Variants in AP5M1 observed in about 807,000 individuals in gnomAD.
AP5M1 encodes adaptor related protein complex 5 subunit mu 1, also known as AP-5 complex subunit mu-1.
Under a neutral mutation model 52.3 loss-of-function variants are expected in AP5M1, and 44 were observed. The ratio of observed to expected loss-of-function variants is 0.84; its 90% confidence interval spans 0.66 to 1.08. The LOEUF (loss-of-function observed/expected upper bound fraction) is 1.08, where lower values mean the gene tolerates loss of function less well. AP5M1 is among the 50% of genes least tolerant of loss of function. AP5M1 has a pLI of 0.00. For missense variants in AP5M1, 526 were observed against 568.4 expected (o/e 0.93, Z 0.76); for synonymous variants, 213 against 199.0 (o/e 1.07, Z -0.59).
chr14:57,286,424 A>C (rs1885310658), intron 7 of AP5M1, 105 bp downstream of exon 7: 1 of 749,898 alleles, frequency 1.3e-6, no homozygotes. Flanking sequence ...TTAGAGAATA[A>C]TCCCAATTTA....
At position 57,269,393 on chromosome 14, in the gene AP5M1, A is replaced by T. The variant is rs1884819151; in HGVS notation, c.74+5A>T. 1.2e-6 allele frequency: 2 copies of T among 1,614,020 alleles called. No individual in the cohort carries two copies. Among genetic ancestry groups the T allele is most frequent in the Non-Finnish European group, 1.7e-6 (2 of 1,179,902 alleles). On this transcript the variant is annotated splice_donor_5th_base_variant and intron_variant, in intron 1 of 7. Transcript: ENST00000261558. ...TGGCACCGTGAGATTCTCCAGGTAA[A>T]TGCAAATCTGAATCCTCAGGGATGA...
In AP5M1 at chr14:57,280,526, C is replaced by G. The variant is rs1360036566; in HGVS notation, c.948+104C>G. On this transcript the variant is annotated intron_variant, in intron 3 of 7. Coordinates refer to ENST00000261558, the MANE Select transcript of AP5M1 (RefSeq NM_018229.4). Reference sequence around the variant, plus strand: ...TTGGTATGAGAACTTAGAAAAAGTTCTATTTATCAGACAATAATTGATGAT... The same window carrying G: ...TTGGTATGAGAACTTAGAAAAAGTTGTATTTATCAGACAATAATTGATGAT... The G allele has an allele frequency of 6.3e-6, 5 of 794,544 alleles. No individual in the cohort carries two copies. In the Admixed American group the frequency reaches 1.3e-4, roughly 20 times the overall value. 49.2% of individuals were successfully genotyped at this position (794,544 alleles called of 1,614,324 possible). A position where few individuals can be genotyped will look rare whatever the true frequency, so the allele number is the denominator to read the frequency against.
chr14:57,282,053 C>A, intron 3 of AP5M1, 36 bp from the exon 4 acceptor site: 1 of 1,512,166 alleles, frequency 6.6e-7, no homozygotes, highest in East Asian at 2.6e-5. Flanking sequence ...GACTCATTAA[C>A]CTGAGAATTA....
rs1884983910 is a variant in AP5M1, at chr14:57,274,814, AAAGG to A, written c.646_649del (p.Lys216Ter). The A allele has an allele frequency of 1.2e-6, 2 of 1,614,084 alleles. No homozygotes were observed. The highest frequency in any genetic ancestry group is 1.7e-6 in the Non-Finnish European group (2 of 1,180,032). ...CACAAGTTTCTATTTCTATCACTGA[AAAGG>A]TAAAATCCATGCAATATGATAAACA... On this transcript the variant is annotated frameshift_variant, in exon 2 of 8. Transcript: ENST00000261558. LOFTEE classifies it high-confidence loss of function.
In AP5M1 at chr14:57,289,327, T is replaced by G. The variant is rs1566520850; in HGVS notation, c.*443T>G. 6.6e-6 allele frequency: 1 copy of G among 152,532 alleles called. No homozygotes were observed. The highest frequency in any genetic ancestry group is 1.5e-5 in the Non-Finnish European group (1 of 68,286). The allele number at this position is 152,532 out of a possible 1,614,324, so 9.4% of individuals were successfully genotyped here. ...TAGATAATGTGCAAGATAAAAACTA[T>G]TTTCTCTTCCAAATCTAAGTACTAA... On this transcript the variant is annotated 3_prime_UTR_variant, in exon 8 of 8. Coordinates refer to ENST00000261558, the MANE Select transcript of AP5M1 (RefSeq NM_018229.4).
At chr14:57,272,078 A>T (rs566760020) in intron 1 of AP5M1, among the ~76,000 whole-genome samples, 1 of 152,226 alleles carries the variant, frequency 6.6e-6, no homozygotes, top group Non-Finnish European at 1.5e-5. Flanking sequence ...GCTTAAGTAA[A>T]TAAGTTTCTT....
At chr14:57,276,145 A>G (rs1485488418) in intron 2 of AP5M1, among the ~76,000 whole-genome samples, 2 of 152,172 alleles carry the variant, frequency 1.3e-5, no homozygotes, top group Non-Finnish European at 2.9e-5. Context: ...TATCATGGTC[A>G]AAAATATACT....
Position 57,269,227 on chromosome 14 carries a change from T to TTTC in AP5M1, c.-87_-86insTCT. 1 of 1,299,508 alleles carries TTTC rather than the reference T, an allele frequency of 7.7e-7. No individual in the cohort carries two copies. Among genetic ancestry groups the TTTC allele is most frequent in the South Asian group, 1.2e-5 (1 of 81,676 alleles). The allele number at this position is 1,299,508 out of a possible 1,614,324, so 80.5% of individuals were successfully genotyped here. A position where few individuals can be genotyped will look rare whatever the true frequency, so the allele number is the denominator to read the frequency against. ...CGCAGGATGAGCCTCAGGGCTTCTGTTAAGAGTCTGTCTGAGAAAGCCGGT... is the reference window on the plus strand; with the variant it reads ...CGCAGGATGAGCCTCAGGGCTTCTGTTTCTAAGAGTCTGTCTGAGAAAGCCGGT... On this transcript the variant is annotated 5_prime_UTR_variant, in exon 1 of 8. Coordinates refer to ENST00000261558, the MANE Select transcript of AP5M1 (RefSeq NM_018229.4).
rs1275047698 is a variant in AP5M1, at chr14:57,296,438, C to T, written c.*7554C>T. ...TATAACATGTACATTTATAGAGCAT[C>T]ATATATTTATTTTAAGTCTAGAATC... On this transcript the variant is annotated 3_prime_UTR_variant, in exon 8 of 8. Coordinates refer to ENST00000261558, the MANE Select transcript of AP5M1 (RefSeq NM_018229.4). 4 of 151,958 alleles carry T rather than the reference C, an allele frequency of 2.6e-5. No individual in the cohort carries two copies. The highest frequency in any genetic ancestry group is 2.6e-4 in the Admixed American group (4 of 15,208). 9.4% of individuals were successfully genotyped at this position (151,958 alleles called of 1,614,324 possible).
rs1476733968 is a variant in AP5M1 at position 57,297,395 on chromosome 14, G to A, written c.*8511G>A. The A allele has an allele frequency of 3.3e-5, 5 of 151,970 alleles. No individual in the cohort carries two copies. Among genetic ancestry groups the A allele is most frequent in the African/African-American group, 7.3e-5 (3 of 41,372 alleles). The allele number at this position is 151,970 out of a possible 1,614,324, so 9.4% of individuals were successfully genotyped here. A position where few individuals can be genotyped will look rare whatever the true frequency, so the allele number is the denominator to read the frequency against. Reference sequence around the variant, plus strand: ...ATATGATGTCTATATAGAATTATAAGGAAAATATATATGTGAAGAAATGTT... The same window carrying A: ...ATATGATGTCTATATAGAATTATAAAGAAAATATATATGTGAAGAAATGTT... On this transcript the variant is annotated 3_prime_UTR_variant, in exon 8 of 8. Transcript: ENST00000261558.
In AP5M1 at chr14:57,294,760, AG is replaced by A. The variant is rs1205057913; in HGVS notation, c.*5879del. 1 of 151,916 alleles carries A rather than the reference AG, an allele frequency of 6.6e-6. No homozygotes were observed. Among genetic ancestry groups the A allele is most frequent in the Non-Finnish European group, 1.5e-5 (1 of 67,840 alleles). The allele number at this position is 151,916 out of a possible 1,614,324, so 9.4% of individuals were successfully genotyped here. ...CTATTTTGAAAGTTATTGCAGATGT[AG>A]GGAATAGCTTGTTTCCCATTATGTT... On this transcript the variant is annotated 3_prime_UTR_variant, in exon 8 of 8. Transcript: ENST00000261558.
intron 2 of AP5M1, chr14:57,275,229 G>A (rs895253851): frequency 6.2e-6 from 2 of 320,428 alleles, no homozygotes; most frequent in East Asian, 9.0e-5. Flanking sequence ...CTGAAGGTCT[G>A]ACTGAGGCTG....
rs1885488402 is a variant in AP5M1, at chr14:57,293,651, C to T, written c.*4767C>T. The T allele has an allele frequency of 6.6e-6, 1 of 151,686 alleles. No homozygotes were observed. The allele number at this position is 151,686 out of a possible 1,614,324, so 9.4% of individuals were successfully genotyped here. On this transcript the variant is annotated 3_prime_UTR_variant, in exon 8 of 8. Coordinates refer to ENST00000261558, the MANE Select transcript of AP5M1 (RefSeq NM_018229.4). ...GAAACTAGTGTTTTTAATCATTACACTCCGTGCAGTCATATTTAATCAATA... is the reference window on the plus strand; with the variant it reads ...GAAACTAGTGTTTTTAATCATTACATTCCGTGCAGTCATATTTAATCAATA...
At chr14:57,279,642 T>C (rs1043455888) in intron 2 of AP5M1, among the ~76,000 whole-genome samples, 4 of 152,094 alleles carry the variant, frequency 2.6e-5, no homozygotes, top group African/African-American at 7.2e-5. Flanking sequence ...CGTTTACATA[T>C]GTAACAAACC....
In AP5M1 at chr14:57,280,344, C is replaced by G; in HGVS notation, c.870C>G (p.Asp290Glu). ...LTSSSIDAMDDSAFSGPYKFP... is the reference protein window; with the variant it reads ...LTSSSIDAMDESAFSGPYKFP... ...CTAGTAGTATTGATGCAATGGATGA[C>G]TCTGCATTTAGTGGGCCTTACAAAT... Residue 290 changes from aspartate to glutamate, a missense_variant, in exon 3 of 8, where the codon GAC (aspartate) becomes GAG (glutamate). Transcript: ENST00000261558. 6.2e-7 allele frequency: 1 copy of G among 1,614,004 alleles called. No homozygotes were observed. Among genetic ancestry groups the G allele is most frequent in the Non-Finnish European group, 8.5e-7 (1 of 1,179,904 alleles).
chr14:57,284,528 TTAA>T (rs1468510995), intron 6 of AP5M1, among the ~76,000 whole-genome samples: 1 of 152,048 alleles, frequency 6.6e-6, no homozygotes, highest in East Asian at 1.9e-4. Context: ...TTGTAATAAG[TTAA>T]TAATGCTGAG....
At position 57,280,193 on chromosome 14, in the gene AP5M1, A is replaced by G; in HGVS notation, c.721-2A>G. 1.2e-6 allele frequency: 2 copies of G among 1,604,906 alleles called. No homozygotes were observed. The highest frequency in any genetic ancestry group is 1.7e-6 in the Non-Finnish European group (2 of 1,171,666). ...GTGATAATCTTTCTGTTTGCATTTCAGTGTGATTTGGAAGGAATCATGCCA... is the reference window on the plus strand; with the variant it reads ...GTGATAATCTTTCTGTTTGCATTTCGGTGTGATTTGGAAGGAATCATGCCA... On this transcript the variant is annotated splice_acceptor_variant, in intron 2 of 7. Coordinates refer to ENST00000261558, the MANE Select transcript of AP5M1 (RefSeq NM_018229.4). LOFTEE classifies it high-confidence loss of function.
At chr14:57,286,640 G>A (rs1474723769) in intron 7 of AP5M1, 2 of 195,426 alleles carry the variant, frequency 1.0e-5, no homozygotes, top group Non-Finnish European at 2.1e-5. Flanking sequence ...CTTAAGCCTG[G>A]CTCAGCCATT....
In AP5M1 at chr14:57,297,096, A is replaced by C. The variant is rs568420735; in HGVS notation, c.*8212A>C. ...TATAGCAGAAGGAAATAAAGATTAT[A>C]GTAAGTATATTCATGAGAGAGAATT... On this transcript the variant is annotated 3_prime_UTR_variant, in exon 8 of 8. Transcript: ENST00000261558. The C allele has an allele frequency of 9.9e-5, 15 of 152,238 alleles. No homozygotes were observed. The South Asian group carries it at 3.1e-3, about 32-fold the overall frequency. The allele number at this position is 152,238 out of a possible 1,614,324, so 9.4% of individuals were successfully genotyped here. A position where few individuals can be genotyped will look rare whatever the true frequency, so the allele number is the denominator to read the frequency against.
Sources: gnomAD v4.1 joint callset for allele counts (sites outside exome capture counted in the v4.1 genomes callset) on GRCh38, gnomAD v4.1.1 for gene constraint, MANE v1.5 for transcripts, NCBI Gene and HGNC (gene_info 2026-07-23, HGNC 2026-07-21) for gene names.